Variants in CAMK2B observed in about 807,000 individuals in gnomAD.
The protein encoded by CAMK2B is calcium/calmodulin dependent protein kinase II beta, also known as calcium/calmodulin-dependent protein kinase type II subunit beta.
In CAMK2B, 27 loss-of-function variants were observed where a neutral mutation model predicts 93.7. The ratio of observed to expected loss-of-function variants is 0.29; its 90% CI spans 0.21 to 0.40. The LOEUF is 0.40. Among genes scored for constraint, CAMK2B ranks in the 10% least tolerant of loss-of-function variants. The probability of loss-of-function intolerance (pLI) is 1.00; values close to 1 mark genes in which losing one functional copy is unlikely to be tolerated. For missense variants in CAMK2B, 568 were observed against 895.8 expected, an observed-to-expected ratio of 0.63 and a Z score of 4.67; for synonymous variants, 374 against 358.8, an observed-to-expected ratio of 1.04 and a Z score of -0.48.
chr7:44,251,260 T>C (rs1041407762), intron 5 of CAMK2B, among the ~76,000 whole-genome samples: 2 of 152,202 alleles, frequency 1.3e-5, no homozygotes, highest in African/African-American at 4.8e-5. Context: ...GGGCTCTGCC[T>C]GGGGGTAAGT....
intron 1 of CAMK2B, among the ~76,000 whole-genome samples, chr7:44,284,988 G>A (rs578238760): frequency 1.2e-4 from 19 of 152,266 alleles, no homozygotes; most frequent in Non-Finnish European, 1.6e-4. Flanking sequence ...CAGAGCCCAA[G>A]AGACACAAGG....
intron 5 of CAMK2B, among the ~76,000 whole-genome samples, chr7:44,251,754 GT>G (rs1554399087): frequency 6.6e-6 from 1 of 152,228 alleles, no homozygotes; most frequent in Non-Finnish European, 1.5e-5. Context: ...TACACCAGGG[GT>G]GCCCTCCGCA....
intron 4 of CAMK2B, 52 bp downstream of exon 4, chr7:44,258,819 CT>C (rs761839936): frequency 7.7e-6 from 12 of 1,567,446 alleles, no homozygotes; most frequent in Non-Finnish European, 1.1e-5. Context: ...AGATCCCACC[CT>C]GAGCCAAGGC....
At chr7:44,250,971 C>T (rs2096774879) in intron 5 of CAMK2B, among the ~76,000 whole-genome samples, 1 of 152,224 alleles carries the variant, frequency 6.6e-6, no homozygotes, top group African/African-American at 2.4e-5. Context: ...GAGGAATTTC[C>T]AGCTTTGTTG....
At chr7:44,320,175 T>A (rs1296716639) in intron 1 of CAMK2B, among the ~76,000 whole-genome samples, 4 of 152,072 alleles carry the variant, frequency 2.6e-5, no homozygotes, top group Non-Finnish European at 4.4e-5. Flanking sequence ...TCATATGGAG[T>A]CAGAGTGTTG....
At chr7:44,298,753 T>C (rs1051166442) in intron 1 of CAMK2B, among the ~76,000 whole-genome samples, 8 of 152,112 alleles carry the variant, frequency 5.3e-5, no homozygotes, top group African/African-American at 1.7e-4. Context: ...GATATGCAAA[T>C]GGAAAACAAG....
intron 1 of CAMK2B, among the ~76,000 whole-genome samples, chr7:44,306,816 G>A (rs1460602710): frequency 2.7e-5 from 4 of 145,670 alleles, no homozygotes; most frequent in African/African-American, 5.1e-5. Context: ...GGTAAGGGCA[G>A]GGGTAGGAGA....
At chr7:44,306,409 C>T (rs947009345) in intron 1 of CAMK2B, among the ~76,000 whole-genome samples, 2 of 152,240 alleles carry the variant, frequency 1.3e-5, no homozygotes, top group African/African-American at 2.4e-5. Context: ...TTTAGCAACC[C>T]CACAGGAGCT....
intron 1 of CAMK2B, among the ~76,000 whole-genome samples, chr7:44,287,189 C>T (rs1237931996): frequency 6.6e-6 from 1 of 152,150 alleles, no homozygotes; most frequent in Non-Finnish European, 1.5e-5. Flanking sequence ...TCTGCCTCTC[C>T]CACGCCTTCT....
At chr7:44,234,568 G>C in intron 14 of CAMK2B, 71 bp downstream of exon 14, 1 of 1,593,144 alleles carries the variant, frequency 6.3e-7, no homozygotes, top group East Asian at 2.2e-5. Context: ...CAGAGCAGGA[G>C]CCCCAGGGCG....
chr7:44,243,600 G>A (rs1030959279), intron 6 of CAMK2B, 73 bp from the exon 7 acceptor site: 72 of 1,224,358 alleles, frequency 5.9e-5, no homozygotes, highest in Non-Finnish European at 8.3e-6. Flanking sequence ...TGGGTGGGGG[G>A]TTACAAAACA....
chr7:44,241,836 G>C, intron 10 of CAMK2B, 53 bp from the exon 11 acceptor site: 2 of 1,457,248 alleles, frequency 1.4e-6, no homozygotes, highest in Non-Finnish European at 1.9e-6. Flanking sequence ...ACAGGGGAGA[G>C]GCCAGGGTGG....
rs1271782481 is a variant in CAMK2B at position 44,225,833 on chromosome 7, C to A, written c.1597+683G>T. The A allele has an allele frequency of 1.6e-6, 2 of 1,289,456 alleles. No individual in the cohort carries two copies. Among genetic ancestry groups the A allele is most frequent in the Admixed American group, 2.3e-5 (1 of 43,550 alleles). 79.9% of individuals were successfully genotyped at this position (1,289,456 alleles called of 1,614,324 possible). A position where few individuals can be genotyped will look rare whatever the true frequency, so the allele number is the denominator to read the frequency against. ...TCTCTAAGAGTATCTCCACACCACC[C>A]CCAGTCTGGTGTCTCCCCACAGGTG... On this transcript the variant is annotated intron_variant, in intron 20 of 23. Coordinates refer to ENST00000395749, the MANE Select transcript of CAMK2B (RefSeq NM_001220.5). This position sits in a 1 kb window ranked among gnomAD's most constrained non-coding sequence, Gnocchi z 5.0.
intron 17 of CAMK2B, among the ~76,000 whole-genome samples, chr7:44,230,558 G>A (rs1431417946): frequency 6.6e-6 from 1 of 152,226 alleles, no homozygotes; most frequent in East Asian, 1.9e-4. Context: ...ACCCACCGCA[G>A]CAGGACACTC....
In CAMK2B at chr7:44,235,765, T is replaced by G. The variant is rs139996876; in HGVS notation, c.1022-1089A>C. Among the ~76,000 whole-genome samples the G allele has an allele frequency of 3.7e-4, 56 of 152,204 alleles. No individual in the cohort carries two copies. The East Asian group carries it at 9.9e-3, about 27-fold the overall frequency. ...GCCAAGGGGATGACGACATGGGAAG[T>G]GTGAGGATGCTTGCCCCCGGGCCAA... On this transcript the variant is annotated intron_variant, in intron 13 of 23. Transcript: ENST00000395749.
chr7:44,252,533 C>G (rs2096790109), intron 5 of CAMK2B, among the ~76,000 whole-genome samples: 2 of 11,120 alleles, frequency 1.8e-4, no homozygotes, highest in Admixed American at 1.1e-3. Context: ...GGGGCACGGG[C>G]AGGGGGTGGG....
intron 20 of CAMK2B, 128 bp from the exon 21 acceptor site, chr7:44,221,029 A>G: frequency 1.4e-6 from 1 of 729,226 alleles, no homozygotes; most frequent in Non-Finnish European, 2.3e-6. Flanking sequence ...CGCTATTTGC[A>G]GAAGAGGTCC....
At chr7:44,245,157 G>A (rs1176036744) in intron 6 of CAMK2B, 4 of 357,982 alleles carry the variant, frequency 1.1e-5, no homozygotes, top group Admixed American at 1.0e-4. Context: ...AGTGAACATG[G>A]ACCGTAGGAA....
At chr7:44,222,971 CAGG>C (rs1463320607) in intron 20 of CAMK2B, among the ~76,000 whole-genome samples, 2 of 152,216 alleles carry the variant, frequency 1.3e-5, no homozygotes, top group African/African-American at 2.4e-5. Context: ...ACAGTGACAG[CAGG>C]AGGAGCCCGA....
Sources: gnomAD v4.1 joint callset for allele counts (sites outside exome capture counted in the v4.1 genomes callset) on GRCh38, gnomAD v4.1.1 for gene constraint, Gnocchi (gnomAD v3.1) non-coding constraint, MANE v1.5 for transcripts, NCBI Gene and HGNC (gene_info 2026-07-23, HGNC 2026-07-21) for gene names.